Variants in CHST6 observed in about 807,000 individuals in gnomAD.
CHST6 encodes N-acetylglucosamine 6-O-sulfotransferase 5.
For synonymous variants in CHST6, 309 were observed against 276.4 expected (o/e 1.12, Z -1.17); for missense variants, 698 against 586.2 (o/e 1.19, Z -1.97).
intron 1 of CHST6, among the ~76,000 whole-genome samples, chr16:75,484,071 C>T (rs556697504): frequency 2.0e-5 from 3 of 152,114 alleles, no homozygotes; most frequent in Admixed American, 2.0e-4. Context: ...TGTGCGGTGA[C>T]TCACGCCTGT....
At position 75,493,632 on chromosome 16, in the gene CHST6, T is replaced by C. The variant is rs114831236; in HGVS notation, c.-92+1308A>G. ...AAGCAGAACAAAGTCTGGCGCATAG[T>C]GCACTTATGAGTATTTGCTTAGCAA... On this transcript the variant is annotated intron_variant, in intron 1 of 2. Coordinates refer to ENST00000332272, the MANE Select transcript of CHST6 (RefSeq NM_021615.5). 4.2e-3 allele frequency among the ~76,000 whole-genome samples: 644 copies of C among 152,186 alleles called. 5 individuals carry two copies. Among genetic ancestry groups the C allele is most frequent in the African/African-American group, 0.015 (605 of 41,510 alleles).
chr16:75,473,556 G>A lies in CHST6; in HGVS notation c.*5085C>T, dbSNP rs1288380809. 1 of 152,196 alleles carries A rather than the reference G, an allele frequency of 6.6e-6. No individual in the cohort carries two copies. The highest frequency in any genetic ancestry group is 2.4e-5 in the African/African-American group (1 of 41,458). The allele number at this position is 152,196 out of a possible 1,614,324, so 9.4% of individuals were successfully genotyped here. A position where few individuals can be genotyped will look rare whatever the true frequency, so the allele number is the denominator to read the frequency against. The stretch of plus-strand genomic sequence containing the variant: ...TTCAGCTGAAGGCAATTAAGAAGCA[G>A]AAAGTGCAGGAAAAGTTCAGGTTTC... On this transcript the variant is annotated 3_prime_UTR_variant, in exon 3 of 3. Coordinates refer to ENST00000332272, the MANE Select transcript of CHST6 (RefSeq NM_021615.5).
chr16:75,490,108 G>A (rs1332088903), intron 1 of CHST6, among the ~76,000 whole-genome samples: 1 of 148,018 alleles, frequency 6.8e-6, no homozygotes, highest in East Asian at 2.2e-4. Flanking sequence ...GGGAGGCAGA[G>A]GTTGCAGTGA....
In CHST6 at chr16:75,479,891, AT is replaced by A. The variant is rs138845089; in HGVS notation, c.-16-48del. ...GTTAGGGGCTGCAGCCTGCACGCCC[AT>A]CCCGTACCCCACTGCCCAGTGCCCG... On this transcript the variant is annotated intron_variant, in intron 2 of 2. Coordinates refer to ENST00000332272, the MANE Select transcript of CHST6 (RefSeq NM_021615.5). The A allele has an allele frequency of 1.4e-3, 2,092 of 1,492,464 alleles. 22 individuals are homozygous for A. The African/African-American group carries it at 0.026, about 19-fold the overall frequency. The allele number at this position is 1,492,464 out of a possible 1,614,324, so 92.5% of individuals were successfully genotyped here. A position where few individuals can be genotyped will look rare whatever the true frequency, so the allele number is the denominator to read the frequency against.
chr16:75,491,774 C>T (rs1194503599), intron 1 of CHST6, among the ~76,000 whole-genome samples: 2 of 152,218 alleles, frequency 1.3e-5, no homozygotes, highest in Non-Finnish European at 2.9e-5. Flanking sequence ...TTAAAGGAGG[C>T]TTAGGTGGAG....
intron 1 of CHST6, among the ~76,000 whole-genome samples, chr16:75,483,046 C>G (rs1196906305): frequency 1.3e-5 from 2 of 152,248 alleles, no homozygotes; most frequent in African/African-American, 4.8e-5. Context: ...TCAATGATCA[C>G]AAGTGCTAGG....
intron 1 of CHST6, among the ~76,000 whole-genome samples, chr16:75,485,855 C>T (rs1321273325): frequency 9.7e-6 from 1 of 102,566 alleles, no homozygotes; most frequent in Non-Finnish European, 2.2e-5. Flanking sequence ...GGACATCCAG[C>T]CGCGGGAGGG....
intron 1 of CHST6, among the ~76,000 whole-genome samples, chr16:75,486,243 C>G (rs2080196537): frequency 6.6e-6 from 1 of 152,248 alleles, no homozygotes; most frequent in South Asian, 2.1e-4. Flanking sequence ...TGTGAGCAAC[C>G]CGGAACTTTG....
intron 1 of CHST6, among the ~76,000 whole-genome samples, chr16:75,485,374 G>A (rs951848983): frequency 3.3e-5 from 5 of 152,192 alleles, no homozygotes; most frequent in Non-Finnish European, 7.3e-5. Flanking sequence ...GCCAAGGTGG[G>A]AGGATCTCTT....
At chr16:75,484,458 T>C (rs965956184) in intron 1 of CHST6, among the ~76,000 whole-genome samples, 1 of 152,212 alleles carries the variant, frequency 6.6e-6, no homozygotes, top group African/African-American at 2.4e-5. Flanking sequence ...CCCTTTCCCA[T>C]CCTGGAAGGC....
chr16:75,478,236 C>A lies in CHST6; in HGVS notation c.*405G>T. The A allele has an allele frequency of 3.0e-6, 1 of 338,018 alleles. No homozygotes were observed. Among genetic ancestry groups the A allele is most frequent in the East Asian group, 7.7e-5 (1 of 13,026 alleles). The allele number at this position is 338,018 out of a possible 1,614,324, so 20.9% of individuals were successfully genotyped here. On this transcript the variant is annotated 3_prime_UTR_variant, in exon 3 of 3. Transcript: ENST00000332272. The stretch of plus-strand genomic sequence containing the variant: ...TGTGCATATGTATGTGATGTACAGA[C>A]CTCTGGAGCCATTTCACCACAGTGC...
Position 75,473,765 on chromosome 16 carries a change from C to A in CHST6, c.*4876G>T, listed in dbSNP as rs562501523. Reference sequence around the variant, plus strand: ...AAACTGTTGTCCTTGGTCATCCTATCTCTACAAATTTATTGTATTTTTTAA... The same window carrying A: ...AAACTGTTGTCCTTGGTCATCCTATATCTACAAATTTATTGTATTTTTTAA... On this transcript the variant is annotated 3_prime_UTR_variant, in exon 3 of 3. Coordinates refer to ENST00000332272, the MANE Select transcript of CHST6 (RefSeq NM_021615.5). The A allele has an allele frequency of 6.6e-6, 1 of 152,310 alleles. No individual in the cohort carries two copies. Among genetic ancestry groups the A allele is most frequent in the South Asian group, 2.1e-4 (1 of 4,832 alleles). The allele number at this position is 152,310 out of a possible 1,614,324, so 9.4% of individuals were successfully genotyped here. A position where few individuals can be genotyped will look rare whatever the true frequency, so the allele number is the denominator to read the frequency against.
chr16:75,478,528 C>T lies in CHST6; in HGVS notation c.*113G>A, dbSNP rs560179076. The stretch of plus-strand genomic sequence containing the variant: ...TGCCTACTTGGGGAGGGGGAGGGGT[C>T]GTACCACAAACTCCTTGGTCAATAT... On this transcript the variant is annotated 3_prime_UTR_variant, in exon 3 of 3. Transcript: ENST00000332272. The T allele has an allele frequency of 9.5e-6, 10 of 1,050,882 alleles. No individual in the cohort carries two copies. Among genetic ancestry groups the T allele is most frequent in the South Asian group, 9.1e-5 (7 of 76,800 alleles). The allele number at this position is 1,050,882 out of a possible 1,614,324, so 65.1% of individuals were successfully genotyped here. A position where few individuals can be genotyped will look rare whatever the true frequency, so the allele number is the denominator to read the frequency against.
In CHST6 at chr16:75,478,503, T is replaced by G; in HGVS notation, c.*138A>C. The stretch of plus-strand genomic sequence containing the variant: ...AAGAGAGAAAGAAACGTGCAGTCCT[T>G]GCCTACTTGGGGAGGGGGAGGGGTC... On this transcript the variant is annotated 3_prime_UTR_variant, in exon 3 of 3. Transcript: ENST00000332272. 1.2e-6 allele frequency: 1 copy of G among 829,778 alleles called. No individual in the cohort carries two copies. 51.4% of individuals were successfully genotyped at this position (829,778 alleles called of 1,614,324 possible).
chr16:75,474,461 A>G lies in CHST6; in HGVS notation c.*4180T>C. Reference sequence around the variant, plus strand: ...TGCTAATTTTTTTTTAACTTTGTAGAGATGGGGTCTCACTATGTTGCCCAG... The same window carrying G: ...TGCTAATTTTTTTTTAACTTTGTAGGGATGGGGTCTCACTATGTTGCCCAG... On this transcript the variant is annotated 3_prime_UTR_variant, in exon 3 of 3. Transcript: ENST00000332272. 1 of 395,320 alleles carries G rather than the reference A, an allele frequency of 2.5e-6. No individual in the cohort carries two copies. Among genetic ancestry groups the G allele is most frequent in the Non-Finnish European group, 4.5e-6 (1 of 224,508 alleles). 24.5% of individuals were successfully genotyped at this position (395,320 alleles called of 1,614,324 possible). A position where few individuals can be genotyped will look rare whatever the true frequency, so the allele number is the denominator to read the frequency against.
At position 75,472,501 on chromosome 16, in the gene CHST6, A is replaced by G. The variant is rs953051613; in HGVS notation, c.*6140T>C. The G allele has an allele frequency of 6.6e-6, 1 of 152,252 alleles. No individual in the cohort carries two copies. The highest frequency in any genetic ancestry group is 1.5e-5 in the Non-Finnish European group (1 of 68,032). The allele number at this position is 152,252 out of a possible 1,614,324, so 9.4% of individuals were successfully genotyped here. A position where few individuals can be genotyped will look rare whatever the true frequency, so the allele number is the denominator to read the frequency against. On this transcript the variant is annotated 3_prime_UTR_variant, in exon 3 of 3. Transcript: ENST00000332272. ...GAGTCATAAGCATGAAAAGATGTTC[A>G]GCTGCCCCAGGAATTAAAGAAGTGC... is the stretch of plus-strand genomic sequence containing the variant.
At chr16:75,483,008 G>A (rs1012334604) in intron 1 of CHST6, among the ~76,000 whole-genome samples, 1 of 152,234 alleles carries the variant, frequency 6.6e-6, no homozygotes, top group East Asian at 1.9e-4. Flanking sequence ...ATGGGGCGCC[G>A]AAAGAGAAGG....
At chr16:75,491,190 A>AAAAAAATATATAT (rs1206595857) in intron 1 of CHST6, among the ~76,000 whole-genome samples, 38 of 50,064 alleles carry the variant, frequency 7.6e-4, no homozygotes, top group African/African-American at 1.1e-3. Context: ...AAAAAAAAAA[A>AAAAAAATATATAT]ATATATATAT....
chr16:75,488,121 G>A (rs948914985), intron 1 of CHST6, among the ~76,000 whole-genome samples: 9 of 152,170 alleles, frequency 5.9e-5, no homozygotes, highest in Non-Finnish European at 8.8e-5. Context: ...ATAGATCCCA[G>A]GTTTAGATTT....
Sources: allele counts gnomAD v4.1 joint callset (sites outside exome capture counted in the v4.1 genomes callset), GRCh38; gene constraint gnomAD v4.1.1; transcripts MANE v1.5; gene names NCBI Gene and HGNC (gene_info 2026-07-23, HGNC 2026-07-21).